The following MTRR variants were observed in gnomAD, a reference collection of about 807,000 sequenced individuals.
MTRR encodes the protein 5-methyltetrahydrofolate-homocysteine methyltransferase reductase.
Under a neutral mutation model 79.2 loss-of-function variants are expected in MTRR, and 63 were observed. The ratio of observed to expected loss-of-function variants is 0.80; its 90% CI spans 0.65 to 0.98. MTRR has a LOEUF of 0.98. MTRR is among the 50% of genes least tolerant of loss of function. MTRR has a pLI of 0.00. For missense variants in MTRR, 895 were observed against 839.6 expected (o/e 1.07, Z -0.82); for synonymous variants, 355 against 313.3 (o/e 1.13, Z -1.41).
chr5:7,892,692 T>TA (rs1371274271), intron 10 of MTRR, 35 bp from the exon 11 acceptor site: 1 of 1,606,476 alleles, frequency 6.2e-7, no homozygotes, highest in Admixed American at 1.7e-5. Flanking sequence ...GTAGTACTGA[T>TA]ATCGAGTTCA....
At chr5:7,885,173 A>G (rs916597371) in intron 6 of MTRR, 7 of 160,740 alleles carry the variant, frequency 4.4e-5, no homozygotes, top group African/African-American at 1.7e-4. Context: ...ATGTTTGCTC[A>G]CAACCAGTAT....
chr5:7,891,163 T>C (rs1157479287), intron 9 of MTRR, among the ~76,000 whole-genome samples: 1 of 152,188 alleles, frequency 6.6e-6, no homozygotes, highest in Non-Finnish European at 1.5e-5. Flanking sequence ...AAAATGCATC[T>C]TATCTGGTTT....
chr5:7,861,747 C>G (rs1404399330), intron 1 of MTRR: 1 of 1,509,568 alleles, frequency 6.6e-7, no homozygotes, highest in African/African-American at 1.4e-5. Context: ...ATTCCTTCCA[C>G]CTTGCATTGA....
Position 7,860,113 on chromosome 5 carries a change from G to A in MTRR, n.392-1838G>A, listed in dbSNP as rs973453470. On this transcript the variant is annotated intron_variant and non_coding_transcript_variant, in intron 1 of 3. Transcript: ENST00000502509. The stretch of plus-strand genomic sequence containing the variant: ...ATTGGAGGGTCTTGAATGTTAAGAT[G>A]TAGAGAAGTTTTTACTTTATTCTGT... Among the ~76,000 whole-genome samples, 10 of 152,310 alleles carry A rather than the reference G, an allele frequency of 6.6e-5. No individual in the cohort carries two copies. In the East Asian group the frequency reaches 1.2e-3, roughly 18 times the overall value.
chr5:7,857,401 T>C (rs1390443953), intron 1 of MTRR, among the ~76,000 whole-genome samples: 3 of 152,190 alleles, frequency 2.0e-5, no homozygotes, highest in Admixed American at 1.3e-4. Context: ...AGCAACCTTA[T>C]ATCTCTCTAT....
At chr5:7,857,996 C>T (rs1746302677) in intron 1 of MTRR, among the ~76,000 whole-genome samples, 1 of 152,210 alleles carries the variant, frequency 6.6e-6, no homozygotes, top group African/African-American at 2.4e-5. Flanking sequence ...AACAGACCGT[C>T]ATTACCTCTT....
At chr5:7,896,728 T>A (rs1335642589) in intron 12 of MTRR, 136 bp from the exon 13 acceptor site, 11 of 756,340 alleles carry the variant, frequency 1.5e-5, no homozygotes, top group African/African-American at 3.5e-5. Flanking sequence ...AAATGCTAAT[T>A]AAATGACTGA....
upstream of MTRR, chr5:7,866,934 G>C (rs376555432): frequency 4.3e-6 from 7 of 1,614,068 alleles, no homozygotes; most frequent in African/African-American, 4.0e-5. Context: ...GGTTTTGAAA[G>C]AATCAGTTCT....
intron 2 of MTRR, chr5:7,872,318 A>G: frequency 2.4e-6 from 1 of 409,238 alleles, no homozygotes; most frequent in Non-Finnish European, 4.8e-6. Context: ...AAGACAAGGA[A>G]GTGTTCTATT....
intron 4 of MTRR, among the ~76,000 whole-genome samples, chr5:7,876,546 A>G (rs1018068187): frequency 6.6e-6 from 1 of 152,164 alleles, no homozygotes; most frequent in Admixed American, 6.5e-5. Context: ...TAGATTTTCA[A>G]CCTAACTACC....
chr5:7,855,887 T>C (rs1036665532), intron 1 of MTRR, among the ~76,000 whole-genome samples: 22 of 152,176 alleles, frequency 1.4e-4, no homozygotes, highest in African/African-American at 5.1e-4. Flanking sequence ...AAAATTTCTT[T>C]TGATGGAGCC....
intron 10 of MTRR, among the ~76,000 whole-genome samples, chr5:7,891,724 G>C (rs978159952): frequency 6.6e-6 from 1 of 152,070 alleles, no homozygotes; most frequent in African/African-American, 2.4e-5. Flanking sequence ...CCGGAGGCAG[G>C]GGAGACAGAA....
chr5:7,885,564 T>G (rs1354852994), intron 6 of MTRR, 137 bp from the exon 7 acceptor site: 4 of 853,958 alleles, frequency 4.7e-6, no homozygotes, highest in South Asian at 1.8e-5. Flanking sequence ...AATTGTGTGT[T>G]TTTTTTTTTG....
rs116872105 is a variant in MTRR at position 7,888,492 on chromosome 5, T to C, written c.1147-603T>C. On this transcript the variant is annotated intron_variant, in intron 8 of 14. Transcript: ENST00000440940. ...CATTCAGCAGTGTTTCCTGAGTCGTTGTTTTTGGTCAATGCTGAGTTTGGC... is the reference window on the plus strand; with the variant it reads ...CATTCAGCAGTGTTTCCTGAGTCGTCGTTTTTGGTCAATGCTGAGTTTGGC... Among the ~76,000 whole-genome samples, 117 of 152,042 alleles carry C rather than the reference T, an allele frequency of 7.7e-4. 2 individuals carry two copies. In the East Asian group the frequency reaches 0.02, roughly 26 times the overall value.
At chr5:7,887,730 ATGTGTATATATATG>A (rs1348230594) in intron 8 of MTRR, among the ~76,000 whole-genome samples, 1 of 136,268 alleles carries the variant, frequency 7.3e-6, no homozygotes, top group African/African-American at 2.7e-5. Flanking sequence ...ATGTCTGTAT[ATGTGTATATATATG>A]TGTGTGTATA....
At chr5:7,896,569 T>G (rs781592624) in intron 12 of MTRR, 4 of 449,226 alleles carry the variant, frequency 8.9e-6, no homozygotes, top group Non-Finnish European at 1.6e-5. Context: ...AAATTGCTAT[T>G]AATGTTATTG....
chr5:7,867,883 CGAAT>C, upstream of MTRR: 1 of 1,613,998 alleles, frequency 6.2e-7, no homozygotes, highest in Non-Finnish European at 8.5e-7. Context: ...TTCCATTTTT[CGAAT>C]GAAACTTTTT....
At chr5:7,852,929 G>C (rs74647306) in intron 1 of MTRR, among the ~76,000 whole-genome samples, 1 of 152,148 alleles carries the variant, frequency 6.6e-6, no homozygotes, top group Non-Finnish European at 1.5e-5. Flanking sequence ...AACTGAGACC[G>C]AGATAATTTC....
At chr5:7,878,970 T>G (rs944241013) in intron 5 of MTRR, among the ~76,000 whole-genome samples, 4 of 151,794 alleles carry the variant, frequency 2.6e-5, no homozygotes, top group African/African-American at 7.3e-5. Context: ...TAATTTCTTG[T>G]TTTTTTTAAT....
Sources: allele counts gnomAD v4.1 joint callset (sites outside exome capture counted in the v4.1 genomes callset), GRCh38; gene constraint gnomAD v4.1.1; transcripts MANE v1.5; gene names NCBI Gene and HGNC (gene_info 2026-07-23, HGNC 2026-07-21).